The following GULP1 variants were observed in gnomAD, a reference collection of about 807,000 sequenced individuals.
GULP1 encodes PTB domain-containing engulfment adapter protein 1.
GULP1 carries 19 observed loss-of-function variants against 40.9 expected under a neutral mutation model. The ratio of observed to expected loss-of-function variants is 0.46; its 90% CI spans 0.32 to 0.68. The LOEUF (loss-of-function observed/expected upper bound fraction) is 0.68. Among genes scored for constraint, GULP1 ranks in the 30% least tolerant of loss-of-function variants. GULP1 has a pLI of 0.03. For synonymous variants in GULP1, 119 were observed against 117.6 expected (o/e 1.01, Z -0.08); for missense variants, 312 against 362.2 (o/e 0.86, Z 1.12).
intron 7 of GULP1, among the ~76,000 whole-genome samples, chr2:188,554,167 T>C (rs900558472): frequency 4.6e-5 from 7 of 152,028 alleles, no homozygotes; most frequent in Non-Finnish European, 7.4e-5. Context: ...ATCTTTTTTA[T>C]TTATTTTATA....
intron 7 of GULP1, among the ~76,000 whole-genome samples, chr2:188,567,237 T>C (rs1430259701): frequency 1.3e-5 from 2 of 152,114 alleles, no homozygotes; most frequent in Admixed American, 1.3e-4. Context: ...TCCTCAAGGA[T>C]CTAGAACTAG....
intron 2 of GULP1, among the ~76,000 whole-genome samples, chr2:188,458,884 C>G (rs2059484936): frequency 6.6e-6 from 1 of 152,088 alleles, no homozygotes; most frequent in South Asian, 2.1e-4. Context: ...ATTCTACTCT[C>G]TACCTCCATA....
Position 188,509,053 on chromosome 2 carries a change from A to G in GULP1, c.91-13703A>G, listed in dbSNP as rs140185343. On this transcript the variant is annotated intron_variant, in intron 4 of 11. Coordinates refer to ENST00000409830, the MANE Select transcript of GULP1 (RefSeq NM_016315.4). ...CTGTCACTCTGAAACTTATTTGCAT[A>G]GTTCCACCAAGCCACGTCCACAGGG... Among the ~76,000 whole-genome samples, 579 of 152,176 alleles carry G rather than the reference A, an allele frequency of 3.8e-3. 5 individuals are homozygous for G. The highest frequency in any genetic ancestry group is 0.013 in the African/African-American group (546 of 41,552).
chr2:188,413,739 C>G lies in GULP1; in HGVS notation c.-45+29850C>G, dbSNP rs551329148. On this transcript the variant is annotated intron_variant, in intron 2 of 11. Transcript: ENST00000409830. The stretch of plus-strand genomic sequence containing the variant: ...CAATATAAATTCCTAGTAAATAATG[C>G]TTACATAAGGAATTGAAAGATAGAT... Among the ~76,000 whole-genome samples the G allele has an allele frequency of 2.6e-5, 4 of 152,108 alleles. No individual in the cohort carries two copies. The South Asian group carries it at 8.3e-4, about 32-fold the overall frequency.
At chr2:188,496,462 A>G (rs2062904931) in intron 4 of GULP1, among the ~76,000 whole-genome samples, 1 of 152,034 alleles carries the variant, frequency 6.6e-6, no homozygotes, top group Non-Finnish European at 1.5e-5. Context: ...ATTTGCAGAT[A>G]TTCAAACTAA....
At chr2:188,355,670 G>A (rs186992936) in intron 1 of GULP1, among the ~76,000 whole-genome samples, 8 of 151,848 alleles carry the variant, frequency 5.3e-5, no homozygotes, top group Admixed American at 6.6e-5. Context: ...TCCTGTTTCC[G>A]TGAGGCCAGT....
chr2:188,311,711 GTTTA>G (rs59837963), intron 1 of GULP1, among the ~76,000 whole-genome samples: 88,318 of 147,238 alleles, frequency 0.6, 27,042 homozygotes, highest in East Asian at 0.9. Flanking sequence ...TTATAAAAAT[GTTTA>G]TTTATATTTA....
At chr2:188,551,495 TATG>T (rs1693431916) in intron 7 of GULP1, among the ~76,000 whole-genome samples, 1 of 151,752 alleles carries the variant, frequency 6.6e-6, no homozygotes, top group African/African-American at 2.4e-5. Flanking sequence ...CTGCAAATGA[TATG>T]ATATCATTAC....
At chr2:188,549,190 A>G (rs568088929) in intron 7 of GULP1, among the ~76,000 whole-genome samples, 2 of 152,028 alleles carry the variant, frequency 1.3e-5, no homozygotes, top group East Asian at 3.9e-4. Context: ...AAAGTAAAAT[A>G]TCTGTATTTT....
chr2:188,478,342 G>A (rs2061191645), intron 3 of GULP1, among the ~76,000 whole-genome samples: 1 of 152,050 alleles, frequency 6.6e-6, no homozygotes, highest in Admixed American at 6.6e-5. Context: ...ACTATTTTAT[G>A]ATGCACTTAT....
chr2:188,509,106 C>G (rs1304611198), intron 4 of GULP1, among the ~76,000 whole-genome samples: 6 of 152,032 alleles, frequency 3.9e-5, no homozygotes. Context: ...TCATCACTTT[C>G]TTTTCAAGTA....
intron 9 of GULP1, among the ~76,000 whole-genome samples, chr2:188,579,010 T>C (rs1349822976): frequency 6.6e-6 from 1 of 152,182 alleles, no homozygotes. Flanking sequence ...CACGTTCATA[T>C]CCTTATTGAA....
chr2:188,346,649 C>T (rs986508335), intron 1 of GULP1, among the ~76,000 whole-genome samples: 5 of 151,528 alleles, frequency 3.3e-5, no homozygotes, highest in South Asian at 4.2e-4. Flanking sequence ...CCGGCCACCA[C>T]GCCCGGCTAA....
chr2:188,420,673 T>G (rs1185716573), intron 2 of GULP1, among the ~76,000 whole-genome samples: 2 of 152,142 alleles, frequency 1.3e-5, no homozygotes, highest in Non-Finnish European at 2.9e-5. Flanking sequence ...GGTAGCTGTC[T>G]GTGAGGCTGA....
At chr2:188,430,071 C>CT (rs2152813632) in intron 2 of GULP1, among the ~76,000 whole-genome samples, 1 of 152,206 alleles carries the variant, frequency 6.6e-6, no homozygotes, top group Admixed American at 6.5e-5. Flanking sequence ...AAGCCCCTAG[C>CT]AATAGCTCTA....
chr2:188,424,809 T>C (rs1016626203), intron 2 of GULP1, among the ~76,000 whole-genome samples: 2 of 152,010 alleles, frequency 1.3e-5, no homozygotes, highest in Non-Finnish European at 2.9e-5. Context: ...ATAAATGTCA[T>C]TTGTGCAGTA....
At chr2:188,297,405 T>C (rs2035199681) in intron 1 of GULP1, 1 of 443,956 alleles carries the variant, frequency 2.3e-6, no homozygotes, top group Admixed American at 2.9e-5. Context: ...TATTGTGAAG[T>C]GAGAATTTTA....
At chr2:188,494,649 G>C (rs1486350126) in intron 4 of GULP1, among the ~76,000 whole-genome samples, 1 of 151,942 alleles carries the variant, frequency 6.6e-6, no homozygotes, top group Non-Finnish European at 1.5e-5. Context: ...AGAGGAGCGA[G>C]CATTTTTAAA....
intron 1 of GULP1, among the ~76,000 whole-genome samples, chr2:188,323,077 C>T (rs1368120794): frequency 2.6e-5 from 4 of 151,988 alleles, no homozygotes; most frequent in Non-Finnish European, 4.4e-5. Context: ...TTCTTCTCTT[C>T]GTTGAGTTTT....
Sources: gnomAD v4.1 joint callset for allele counts (sites outside exome capture counted in the v4.1 genomes callset) on GRCh38, gnomAD v4.1.1 for gene constraint, MANE v1.5 for transcripts, NCBI Gene and HGNC (gene_info 2026-07-23, HGNC 2026-07-21) for gene names.